ABHD2: variants seen among roughly 807,000 people sequenced by gnomAD.
ABHD2 encodes monoacylglycerol lipase ABHD2.
In ABHD2, 20 loss-of-function variants were observed where a neutral mutation model predicts 48.1. The observed-to-expected ratio is 0.42, with a 90% CI of 0.29 to 0.60. The LOEUF is 0.60. Among genes scored for constraint, ABHD2 ranks in the 20% least tolerant of loss-of-function variants. ABHD2 has a pLI of 0.24. For missense variants in ABHD2, 405 were observed against 550.9 expected, an observed-to-expected ratio of 0.74 and a Z score of 2.65; for synonymous variants, 209 against 214.2, an observed-to-expected ratio of 0.98 and a Z score of 0.21.
chr15:89,047,170 A>G, the ABHD2 span, among the ~76,000 whole-genome samples: 32 of 152,154 alleles, frequency 2.1e-4, no homozygotes, highest in South Asian at 1.9e-3. Context: ...TAGTCATTCA[A>G]GAGCAGGTTG....
chr15:89,151,828 C>T lies in ABHD2; in HGVS notation c.346C>T (p.Pro116Ser), dbSNP rs1430986919. ...CACTTCTACATTCGACCTCTTCGAG[C>T]CCTTGGCTGAGCACTGTGTTGGAGG... ...GATSTFDLFE[P>S]LAEHCVGDDI... Residue 116 changes from proline (P) to serine (S), a missense_variant, in exon 4 of 11, where the codon CCC becomes TCC. Pro to Ser is a moderately conservative substitution (Grantham distance 74). Transcript: ENST00000352732. The surrounding 1 kb of genome is among the most constrained non-coding windows in gnomAD (Gnocchi z 4.7). 6.2e-7 allele frequency: 1 copy of T among 1,614,154 alleles called. No individual in the cohort carries two copies. The highest frequency in any genetic ancestry group is 8.5e-7 in the Non-Finnish European group (1 of 1,180,010).
the ABHD2 span, among the ~76,000 whole-genome samples, chr15:89,047,089 A>G: frequency 1.3e-5 from 2 of 151,012 alleles, no homozygotes; most frequent in Non-Finnish European, 3.0e-5. Context: ...AGATTCTGGT[A>G]TGTTGTGTCT....
intron 3 of ABHD2, among the ~76,000 whole-genome samples, chr15:89,138,780 G>C (rs555451655): frequency 6.6e-6 from 1 of 152,256 alleles, no homozygotes; most frequent in East Asian, 1.9e-4. Context: ...CTGGTTGGGG[G>C]AGTTGATGAG....
Position 89,151,005 on chromosome 15 carries a change from T to C in ABHD2, c.195-672T>C, listed in dbSNP as rs2050581492. 6.6e-6 allele frequency among the ~76,000 whole-genome samples: 1 copy of C among 152,252 alleles called. No homozygotes were observed. The highest frequency in any genetic ancestry group is 2.1e-4 in the South Asian group (1 of 4,836). ...ACCAACGCCTAGAGTCACTCTGTGT[T>C]TTTACAATGCACCGTTGTTAGCGAG... On this transcript the variant is annotated intron_variant, in intron 3 of 10. Transcript: ENST00000352732. This position sits in a 1 kb window ranked among gnomAD's most constrained non-coding sequence, Gnocchi z 4.7.
intron 3 of ABHD2, among the ~76,000 whole-genome samples, chr15:89,141,048 A>T (rs1218551377): frequency 6.6e-6 from 1 of 151,886 alleles, no homozygotes; most frequent in Non-Finnish European, 1.5e-5. Context: ...AACTCACTGC[A>T]GCCTTGACCT....
chr15:89,075,773 G>C, the ABHD2 span, among the ~76,000 whole-genome samples: 31 of 152,190 alleles, frequency 2.0e-4, no homozygotes, highest in African/African-American at 7.2e-4. This position sits in a 1 kb window ranked among gnomAD's most constrained non-coding sequence, Gnocchi z 4.1. Context: ...AGAGCAGCAG[G>C]CTGAGGACAG....
At chr15:89,086,936 C>A (rs190620713), upstream of ABHD2, 2 of 151,960 alleles carry the variant, frequency 1.3e-5, no homozygotes, top group East Asian at 3.9e-4. Context: ...TGAGATGAAA[C>A]CTTTTTTTTT....
the ABHD2 span, among the ~76,000 whole-genome samples, chr15:89,058,067 C>T: frequency 6.6e-6 from 1 of 152,188 alleles, no homozygotes; most frequent in African/African-American, 2.4e-5. Flanking sequence ...TCAAGTTGTT[C>T]AGTCAAGCTG....
At position 89,195,710 on chromosome 15, in the gene ABHD2, A is replaced by G. The variant is rs1167031759; in HGVS notation, c.*287A>G. 1 of 359,624 alleles carries G rather than the reference A, an allele frequency of 2.8e-6. No individual in the cohort carries two copies. The highest frequency in any genetic ancestry group is 5.1e-6 in the Non-Finnish European group (1 of 197,578). 22.3% of individuals were successfully genotyped at this position (359,624 alleles called of 1,614,324 possible). A position where few individuals can be genotyped will look rare whatever the true frequency, so the allele number is the denominator to read the frequency against. On this transcript the variant is annotated 3_prime_UTR_variant, in exon 11 of 11. Coordinates refer to ENST00000352732, the MANE Select transcript of ABHD2 (RefSeq NM_152924.5). This position sits in a 1 kb window ranked among gnomAD's most constrained non-coding sequence, Gnocchi z 5.1. ...TCAGCATCTGGTTGCTTTTAAGCCAAGTACATCTAGTTTCCCTATTAAAAA... is the reference window on the plus strand; with the variant it reads ...TCAGCATCTGGTTGCTTTTAAGCCAGGTACATCTAGTTTCCCTATTAAAAA...
In ABHD2 at chr15:89,189,548, A is replaced by G. The variant is rs2051269688; in HGVS notation, c.926+1245A>G. ...ATATTTTTAGATGTAGCTTAAAGCA[A>G]GCAATTATTCTTCATCTAATAGATA... is the stretch of plus-strand genomic sequence containing the variant. On this transcript the variant is annotated intron_variant, in intron 8 of 10. Transcript: ENST00000352732. This position sits in a 1 kb window ranked among gnomAD's most constrained non-coding sequence, Gnocchi z 4.9. 6.6e-6 allele frequency among the ~76,000 whole-genome samples: 1 copy of G among 152,258 alleles called. No homozygotes were observed. The highest frequency in any genetic ancestry group is 1.5e-5 in the Non-Finnish European group (1 of 68,052).
the ABHD2 span, among the ~76,000 whole-genome samples, chr15:89,067,277 G>A: frequency 1.3e-5 from 2 of 152,224 alleles, no homozygotes; most frequent in African/African-American, 2.4e-5. Flanking sequence ...AGAAAGCAGT[G>A]TATCAAGCAC....
Position 89,092,478 on chromosome 15 carries a change from ATTT to A in ABHD2, c.-107+3919_-107+3921del, listed in dbSNP as rs956673007. Among the ~76,000 whole-genome samples, 10 of 152,328 alleles carry A rather than the reference ATTT, an allele frequency of 6.6e-5. No individual in the cohort carries two copies. The highest frequency in any genetic ancestry group is 2.4e-4 in the African/African-American group (10 of 41,574). On this transcript the variant is annotated intron_variant, in intron 1 of 10. Coordinates refer to ENST00000352732, the MANE Select transcript of ABHD2 (RefSeq NM_152924.5). The surrounding 1 kb of genome is among the most constrained non-coding windows in gnomAD (Gnocchi z 4.4). ...AATTGTTTTTAATAGAAATTTTAAA[ATTT>A]TTTAATTCAAATTTTAGTTTTTAAA... is the stretch of plus-strand genomic sequence containing the variant.
In ABHD2 at chr15:89,196,256, G is replaced by C. The variant is rs2051401023; in HGVS notation, c.*833G>C. ...TCAGGGGTGTCCTCTAGCTCCCACG[G>C]TCTCCAGAGCAGCAAGGCCGGCTAT... On this transcript the variant is annotated 3_prime_UTR_variant, in exon 11 of 11. Coordinates refer to ENST00000352732, the MANE Select transcript of ABHD2 (RefSeq NM_152924.5). 6.6e-6 allele frequency: 1 copy of C among 152,180 alleles called. No individual in the cohort carries two copies. Among genetic ancestry groups the C allele is most frequent in the Non-Finnish European group, 1.5e-5 (1 of 68,034 alleles). 9.4% of individuals were successfully genotyped at this position (152,180 alleles called of 1,614,324 possible).
In ABHD2 at chr15:89,167,668, C is replaced by A. The variant is rs1471952956; in HGVS notation, c.539-8144C>A. 6.6e-6 allele frequency among the ~76,000 whole-genome samples: 1 copy of A among 152,194 alleles called. No homozygotes were observed. Among genetic ancestry groups the A allele is most frequent in the African/African-American group, 2.4e-5 (1 of 41,452 alleles). ...ATTTCAGAGATAAGGGCAAGGCCAA[C>A]TAATTTGATAGCACAAAGGGGCCTT... On this transcript the variant is annotated intron_variant, in intron 5 of 10. Transcript: ENST00000352732. The surrounding 1 kb of genome is among the most constrained non-coding windows in gnomAD (Gnocchi z 5.5).
chr15:89,061,597 A>G, the ABHD2 span, among the ~76,000 whole-genome samples: 1 of 151,954 alleles, frequency 6.6e-6, no homozygotes, highest in Non-Finnish European at 1.5e-5. Context: ...TTCTGAGACA[A>G]GGTCTCACTT....
At position 89,189,196 on chromosome 15, in the gene ABHD2, C is replaced by A. The variant is rs771783793; in HGVS notation, c.926+893C>A. 6.6e-6 allele frequency among the ~76,000 whole-genome samples: 1 copy of A among 152,154 alleles called. No homozygotes were observed. Among genetic ancestry groups the A allele is most frequent in the Non-Finnish European group, 1.5e-5 (1 of 68,040 alleles). ...TACGTGATCCTTTTCATTTAACAAT[C>A]ATTTGAGGCCAGGAACAGTGGCTCA... On this transcript the variant is annotated intron_variant, in intron 8 of 10. Transcript: ENST00000352732. The surrounding 1 kb of genome is among the most constrained non-coding windows in gnomAD (Gnocchi z 4.9).
At chr15:89,071,793 T>C in the ABHD2 span, among the ~76,000 whole-genome samples, 1 of 152,210 alleles carries the variant, frequency 6.6e-6, no homozygotes. Flanking sequence ...GTTATTGCTA[T>C]TGGGTATGTT....
intron 3 of ABHD2, among the ~76,000 whole-genome samples, chr15:89,119,296 C>A (rs1478858176): frequency 6.6e-6 from 1 of 152,192 alleles, no homozygotes; most frequent in African/African-American, 2.4e-5. Flanking sequence ...AGCAATCTGA[C>A]TTGAACATGA....
chr15:89,123,708 C>T (rs1163609067), intron 3 of ABHD2, among the ~76,000 whole-genome samples: 3 of 150,954 alleles, frequency 2.0e-5, no homozygotes, highest in African/African-American at 7.3e-5. Flanking sequence ...AGAGATCCTC[C>T]CATCTCAGCC....
Sources: gnomAD v4.1 joint callset for allele counts (sites outside exome capture counted in the v4.1 genomes callset) on GRCh38, gnomAD v4.1.1 for gene constraint, Gnocchi (gnomAD v3.1) non-coding constraint, MANE v1.5 for transcripts, NCBI Gene and HGNC (gene_info 2026-07-23, HGNC 2026-07-21) for gene names.